RBFOX1: variants seen among roughly 807,000 people sequenced by gnomAD.
RBFOX1 encodes RNA binding fox-1 homolog 1, also known as RNA binding protein fox-1 homolog 1.
Under a neutral mutation model 57.7 loss-of-function variants are expected in RBFOX1, and 8 were observed. The ratio of observed to expected loss-of-function variants is 0.14; its 90% CI spans 0.08 to 0.25. The LOEUF is 0.25. Among genes scored for constraint, RBFOX1 ranks in the 10% least tolerant of loss-of-function variants. RBFOX1 has a pLI of 1.00. For synonymous variants in RBFOX1, 326 were observed against 222.4 expected (o/e 1.47, Z -4.15); for missense variants, 611 against 548.5 (o/e 1.11, Z -1.14).
At chr16:6,736,813 C>G (rs1053936481) in intron 3 of RBFOX1, among the ~76,000 whole-genome samples, 2 of 152,128 alleles carry the variant, frequency 1.3e-5, no homozygotes, top group African/African-American at 2.4e-5. Flanking sequence ...ATGCTGTATT[C>G]ATACATCTGA....
At position 7,205,824 on chromosome 16, in the gene RBFOX1, G is replaced by C. The variant is rs567309802; in HGVS notation, c.27+153726G>C. On this transcript the variant is annotated intron_variant, in intron 4 of 15. Coordinates refer to ENST00000550418, the MANE Select transcript of RBFOX1 (RefSeq NM_018723.4). ...AGGTGAATTGAAACCTTACCACTGA[G>C]AGAACTGTGTGTAGTAATTACTGAG... Among the ~76,000 whole-genome samples the C allele has an allele frequency of 3.3e-5, 5 of 152,370 alleles. No individual in the cohort carries two copies. The South Asian group carries it at 8.3e-4, about 25-fold the overall frequency.
chr16:6,845,863 A>G (rs1380003082), intron 3 of RBFOX1, among the ~76,000 whole-genome samples: 3 of 152,194 alleles, frequency 2.0e-5, no homozygotes, highest in Admixed American at 6.5e-5. Context: ...CCACTTGTGT[A>G]TGGCTATTCC....
At chr16:6,842,966 C>T (rs1222768125) in intron 3 of RBFOX1, among the ~76,000 whole-genome samples, 1 of 152,084 alleles carries the variant, frequency 6.6e-6, no homozygotes, top group African/African-American at 2.4e-5. Context: ...ACGATGGTTT[C>T]CAGGTTCATC....
chr16:7,678,547 G>C (rs2073969572), intron 14 of RBFOX1, among the ~76,000 whole-genome samples: 2 of 151,866 alleles, frequency 1.3e-5, no homozygotes, highest in Admixed American at 6.6e-5. Flanking sequence ...ACTCTAGCCT[G>C]CTGTATAATT....
intron 2 of RBFOX1, among the ~76,000 whole-genome samples, chr16:5,514,345 C>G (rs1876353): frequency 0.6 from 90,967 of 152,040 alleles, 29,675 homozygotes; most frequent in African/African-American, 0.87. Context: ...TGTTTCTCAT[C>G]ATGGTGGCAG....
chr16:7,187,970 C>G (rs2084344418), intron 4 of RBFOX1, among the ~76,000 whole-genome samples: 2 of 152,142 alleles, frequency 1.3e-5, no homozygotes, highest in African/African-American at 4.8e-5. Flanking sequence ...ACAGAGAGAA[C>G]AAATCTCGAG....
intron 3 of RBFOX1, among the ~76,000 whole-genome samples, chr16:6,692,258 G>A (rs1267000460): frequency 6.6e-6 from 1 of 152,060 alleles, no homozygotes; most frequent in East Asian, 1.9e-4. Context: ...CACCCAGGGA[G>A]TAAACGTGTG....
At chr16:7,564,767 T>C (rs769507571) in intron 5 of RBFOX1, among the ~76,000 whole-genome samples, 1 of 151,188 alleles carries the variant, frequency 6.6e-6, no homozygotes, top group Non-Finnish European at 1.5e-5. Flanking sequence ...TACTGATGTG[T>C]TAAACACCTG....
intron 1 of RBFOX1, among the ~76,000 whole-genome samples, chr16:6,310,100 C>G (rs1486401134): frequency 6.6e-6 from 1 of 152,184 alleles, no homozygotes; most frequent in East Asian, 1.9e-4. Context: ...ATTGGTCAGG[C>G]TGGTCTCGAA....
At chr16:7,702,456 G>A (rs889909671) in intron 14 of RBFOX1, among the ~76,000 whole-genome samples, 2 of 152,262 alleles carry the variant, frequency 1.3e-5, no homozygotes, top group Admixed American at 6.5e-5. Context: ...AGATCTTACT[G>A]TTTTGCTGCA....
intron 2 of RBFOX1, among the ~76,000 whole-genome samples, chr16:6,452,212 A>G (rs1597439921): frequency 7.4e-6 from 1 of 135,618 alleles, no homozygotes; most frequent in Non-Finnish European, 1.6e-5. Context: ...TCTTCCTTCC[A>G]TGACTCCACC....
chr16:7,402,444 A>G (rs1350770144), intron 4 of RBFOX1, among the ~76,000 whole-genome samples: 1 of 152,242 alleles, frequency 6.6e-6, no homozygotes, highest in East Asian at 1.9e-4. Flanking sequence ...TTCACAAATA[A>G]TAGTATCCCA....
chr16:7,237,682 T>C (rs542359445), intron 4 of RBFOX1, among the ~76,000 whole-genome samples: 2 of 152,276 alleles, frequency 1.3e-5, no homozygotes, highest in East Asian at 1.9e-4. Flanking sequence ...ACGTGGTGTA[T>C]ACTGGAATAT....
intron 1 of RBFOX1, among the ~76,000 whole-genome samples, chr16:6,116,733 C>T (rs1164105735): frequency 1.3e-5 from 2 of 152,170 alleles, no homozygotes; most frequent in Non-Finnish European, 2.9e-5. Flanking sequence ...TTTGCAAGTA[C>T]ACATACCTCA....
chr16:5,641,661 G>C (rs1171633235), intron 3 of RBFOX1, among the ~76,000 whole-genome samples: 1 of 152,196 alleles, frequency 6.6e-6, no homozygotes, highest in Non-Finnish European at 1.5e-5. Flanking sequence ...AAGTATGCTT[G>C]GGCAGTGAGC....
intron 4 of RBFOX1, among the ~76,000 whole-genome samples, chr16:7,084,891 C>T (rs951819730): frequency 1.3e-4 from 20 of 152,092 alleles, no homozygotes; most frequent in South Asian, 1.0e-3. Context: ...ATCTTCTATC[C>T]GTTTGTCCAA....
At chr16:7,382,052 A>T (rs1357457668) in intron 4 of RBFOX1, among the ~76,000 whole-genome samples, 1 of 152,234 alleles carries the variant, frequency 6.6e-6, no homozygotes, top group East Asian at 1.9e-4. Flanking sequence ...TAGCATTTAT[A>T]AATCAGTTGG....
At chr16:7,605,600 G>T (rs2095253041) in intron 9 of RBFOX1, among the ~76,000 whole-genome samples, 1 of 152,150 alleles carries the variant, frequency 6.6e-6, no homozygotes, top group Non-Finnish European at 1.5e-5. Flanking sequence ...GTGAGCCTCT[G>T]TTTTCCTTAG....
intron 4 of RBFOX1, among the ~76,000 whole-genome samples, chr16:7,162,304 C>T (rs1255535289): frequency 1.3e-5 from 2 of 152,144 alleles, no homozygotes; most frequent in African/African-American, 4.8e-5. Flanking sequence ...TACACACATA[C>T]ATGCACACAT....
Sources: gnomAD v4.1 joint callset for allele counts (sites outside exome capture counted in the v4.1 genomes callset) on GRCh38, gnomAD v4.1.1 for gene constraint, MANE v1.5 for transcripts, NCBI Gene and HGNC (gene_info 2026-07-23, HGNC 2026-07-21) for gene names.